The following NXPE2 variants were observed in gnomAD, a reference collection of about 807,000 sequenced individuals.
The protein encoded by NXPE2 is NXPE family member 2.
NXPE2 carries 34 observed loss-of-function variants against 34.4 expected under a neutral mutation model. The ratio of observed to expected loss-of-function variants is 0.99; its 90% confidence interval spans 0.75 to 1.31. The LOEUF (loss-of-function observed/expected upper bound fraction) is 1.31, where lower values mean the gene tolerates loss of function less well. Ranked by LOEUF, NXPE2 falls within the 40% of genes most tolerant of loss-of-function variation. The pLI, the probability that NXPE2 is intolerant of heterozygous loss-of-function variation, is 0.00. For synonymous variants in NXPE2, 235 were observed against 231.3 expected (o/e 1.02, Z -0.15); for missense variants, 649 against 672.5 (o/e 0.97, Z 0.39).
At chr11:114,660,870 C>T in the NXPE2 span, among the ~76,000 whole-genome samples, 108 of 152,094 alleles carry the variant, frequency 7.1e-4, no homozygotes, top group African/African-American at 2.5e-3. Context: ...TAAAATCTAC[C>T]AGAACTATTT....
At chr11:114,516,607 A>T in the NXPE2 span, among the ~76,000 whole-genome samples, 4 of 152,094 alleles carry the variant, frequency 2.6e-5, no homozygotes, top group South Asian at 6.2e-4. Context: ...CTTTTTTGGA[A>T]TTCAGATAGT....
intron 2 of NXPE2, 93 bp downstream of exon 2, chr11:114,679,855 G>T: frequency 2.8e-6 from 2 of 724,254 alleles, no homozygotes; most frequent in Non-Finnish European, 4.7e-6. Context: ...AAAGTTAAAA[G>T]CATATCATCT....
chr11:114,481,513 T>G, the NXPE2 span, among the ~76,000 whole-genome samples: 1 of 152,092 alleles, frequency 6.6e-6, no homozygotes, highest in Non-Finnish European at 1.5e-5. Flanking sequence ...AAAAAGGAAG[T>G]GAAATTTTAA....
the NXPE2 span, among the ~76,000 whole-genome samples, chr11:114,712,428 A>G: frequency 6.6e-6 from 1 of 151,630 alleles, no homozygotes; most frequent in Non-Finnish European, 1.5e-5. Flanking sequence ...ATATGTAAAA[A>G]AACAAATAGA....
At chr11:114,784,435 C>T in the NXPE2 span, among the ~76,000 whole-genome samples, 3 of 152,218 alleles carry the variant, frequency 2.0e-5, no homozygotes, top group South Asian at 2.1e-4. Context: ...AATTGCACAG[C>T]TGTCTGCGGC....
the NXPE2 span, among the ~76,000 whole-genome samples, chr11:114,617,144 G>T: frequency 6.7e-6 from 1 of 149,422 alleles, no homozygotes; most frequent in East Asian, 2.0e-4. Flanking sequence ...GATAATAAGT[G>T]ACGTTTTGTG....
At chr11:114,775,728 G>A in the NXPE2 span, among the ~76,000 whole-genome samples, 7 of 152,128 alleles carry the variant, frequency 4.6e-5, no homozygotes, top group African/African-American at 1.7e-4. Context: ...AGAGGGCTCT[G>A]AAGGCTGGGA....
chr11:114,675,109 A>AG (rs1256941662), upstream of NXPE2, among the ~76,000 whole-genome samples: 4 of 151,742 alleles, frequency 2.6e-5, no homozygotes, highest in Admixed American at 2.6e-4. Flanking sequence ...TCTTTTCATG[A>AG]GAAAAAAACT....
chr11:114,661,976 G>T, the NXPE2 span, among the ~76,000 whole-genome samples: 3 of 152,252 alleles, frequency 2.0e-5, no homozygotes, highest in Admixed American at 6.5e-5. Flanking sequence ...AGGAGGTGGG[G>T]TAAGATGGCA....
the NXPE2 span, among the ~76,000 whole-genome samples, chr11:114,565,999 G>A: frequency 6.6e-6 from 1 of 152,174 alleles, no homozygotes; most frequent in East Asian, 1.9e-4. Flanking sequence ...GACAATTTAT[G>A]ACTACCTGTA....
the NXPE2 span, among the ~76,000 whole-genome samples, chr11:114,509,234 C>G: frequency 6.6e-6 from 1 of 151,738 alleles, no homozygotes; most frequent in South Asian, 2.1e-4. Flanking sequence ...ATGGCTATTA[C>G]AAAAAGTCAA....
chr11:114,720,590 G>A, the NXPE2 span, among the ~76,000 whole-genome samples: 1 of 151,482 alleles, frequency 6.6e-6, no homozygotes, highest in Admixed American at 6.6e-5. Context: ...AAATGCAGGT[G>A]TGCTCTAAGT....
At chr11:114,560,964 T>A in the NXPE2 span, among the ~76,000 whole-genome samples, 1 of 152,220 alleles carries the variant, frequency 6.6e-6, no homozygotes, top group African/African-American at 2.4e-5. Context: ...ATTTCTTTAG[T>A]GCTGAATAAT....
chr11:114,754,872 G>T, the NXPE2 span, among the ~76,000 whole-genome samples: 2,965 of 152,314 alleles, frequency 0.019, 95 homozygotes, highest in African/African-American at 0.068. Context: ...GCAGTGGTTG[G>T]TGGAGGCACT....
At chr11:114,726,573 C>T in the NXPE2 span, among the ~76,000 whole-genome samples, 1 of 152,018 alleles carries the variant, frequency 6.6e-6, no homozygotes, top group African/African-American at 2.4e-5. Context: ...AATATACTTT[C>T]TTAGTTTTTG....
At chr11:114,625,132 A>C in the NXPE2 span, among the ~76,000 whole-genome samples, 1 of 144,348 alleles carries the variant, frequency 6.9e-6, no homozygotes, top group Non-Finnish European at 1.5e-5. Flanking sequence ...ACCACTTCTA[A>C]TGACTGGATA....
chr11:114,554,295 G>C, the NXPE2 span: 1 of 981,028 alleles, frequency 1.0e-6, no homozygotes, highest in South Asian at 4.7e-5. Context: ...TATGTAAGCA[G>C]AGGCCATGTG....
chr11:114,733,060 T>A, the NXPE2 span, among the ~76,000 whole-genome samples: 9 of 152,218 alleles, frequency 5.9e-5, no homozygotes, highest in Non-Finnish European at 1.3e-4. Flanking sequence ...TTCAGTGTCT[T>A]TTTTTGTAAT....
At chr11:114,553,956 G>T in the NXPE2 span, 5 of 985,358 alleles carry the variant, frequency 5.1e-6, no homozygotes, top group Non-Finnish European at 6.0e-6. Context: ...AGGTTTGTCA[G>T]TATACCCCTG....
Sources: gnomAD v4.1 joint callset for allele counts (sites outside exome capture counted in the v4.1 genomes callset) on GRCh38, gnomAD v4.1.1 for gene constraint, MANE v1.5 for transcripts, NCBI Gene and HGNC (gene_info 2026-07-23, HGNC 2026-07-21) for gene names.